Variants in FRK observed in about 807,000 individuals in gnomAD.
The protein encoded by FRK is fyn related Src family tyrosine kinase.
In FRK, 51 loss-of-function variants were observed where a neutral mutation model predicts 56.4. That is an observed-to-expected ratio of 0.90 (90% CI 0.72 to 1.14). FRK has a LOEUF of 1.14. FRK is among the 50% of genes most tolerant of loss of function. The pLI is 0.00. For missense variants in FRK, 570 were observed against 601.4 expected (o/e 0.95, Z 0.55); for synonymous variants, 245 against 217.9 (o/e 1.12, Z -1.10).
intron 1 of FRK, among the ~76,000 whole-genome samples, chr6:116,058,868 G>C (rs1470288928): frequency 7.3e-6 from 1 of 136,888 alleles, no homozygotes; most frequent in Non-Finnish European, 1.5e-5. Flanking sequence ...CCGAGATCGC[G>C]CCACTGCACT....
intron 1 of FRK, among the ~76,000 whole-genome samples, chr6:116,053,054 A>G (rs1034659337): frequency 1.3e-5 from 2 of 152,168 alleles, no homozygotes; most frequent in Non-Finnish European, 1.5e-5. Flanking sequence ...CAGAGGGGTC[A>G]AGTAATTTGC....
intron 1 of FRK, among the ~76,000 whole-genome samples, chr6:116,027,350 A>G (rs986753320): frequency 6.6e-6 from 1 of 152,194 alleles, no homozygotes; most frequent in Non-Finnish European, 1.5e-5. Context: ...AATAGTGAAT[A>G]TAAGTGGCCT....
intron 2 of FRK, among the ~76,000 whole-genome samples, chr6:115,996,143 A>AT (rs1212924119): frequency 9.2e-5 from 14 of 152,044 alleles, no homozygotes; most frequent in Admixed American, 7.2e-4. Context: ...AAGGAGCAAT[A>AT]TTTTTTTTGT....
At chr6:116,048,780 T>A (rs1028388510) in intron 1 of FRK, among the ~76,000 whole-genome samples, 3 of 152,214 alleles carry the variant, frequency 2.0e-5, no homozygotes, top group African/African-American at 4.8e-5. Flanking sequence ...AATAAGAATA[T>A]ATGAATTTAC....
chr6:116,067,687 A>G, the FRK span, among the ~76,000 whole-genome samples: 1 of 152,224 alleles, frequency 6.6e-6, no homozygotes, highest in South Asian at 2.1e-4. Flanking sequence ...CTAGAAGGAA[A>G]GTTGGGGCCA....
rs1435558389 is a variant in FRK, at chr6:115,953,182, T to C, written c.958+3270A>G. On this transcript the variant is annotated intron_variant, in intron 5 of 7. Transcript: ENST00000606080. ...AGTGGTACATCCATTTTAAGGCCAT[T>C]TTTTTTTTTTTTTTTTTTTTTTTTT... 2.1e-3 allele frequency among the ~76,000 whole-genome samples: 186 copies of C among 88,728 alleles called. 37 individuals carry two copies. Among genetic ancestry groups the C allele is most frequent in the African/African-American group, 6.9e-3 (167 of 24,168 alleles). The allele number at this position is 88,728 out of a possible 152,430, so 58.2% of individuals were successfully genotyped here.
At position 116,047,005 on chromosome 6, in the gene FRK, C is replaced by T. The variant is rs188440911; in HGVS notation, c.344+12963G>A. On this transcript the variant is annotated intron_variant, in intron 1 of 7. Coordinates refer to ENST00000606080, the MANE Select transcript of FRK (RefSeq NM_002031.3). ...TATCTGTATTGTGAAGTTTCCTTCA[C>T]AAACTTCTTCATGAGTTACATATAT... Among the ~76,000 whole-genome samples the T allele has an allele frequency of 2.7e-3, 409 of 151,206 alleles. 2 individuals carry two copies. The highest frequency in any genetic ancestry group is 8.9e-3 in the African/African-American group (369 of 41,276).
intron 4 of FRK, among the ~76,000 whole-genome samples, chr6:115,959,091 G>C (rs529560608): frequency 3.6e-4 from 55 of 152,292 alleles, no homozygotes; most frequent in Middle Eastern, 3.4e-3. Context: ...AACTCAGCTA[G>C]TAATGTAACA....
At chr6:116,061,263 G>T (rs1443603632), upstream of FRK, among the ~76,000 whole-genome samples, 2 of 152,156 alleles carry the variant, frequency 1.3e-5, no homozygotes, top group Non-Finnish European at 2.9e-5. Flanking sequence ...TCATTACCAA[G>T]AATAGATTTT....
chr6:116,014,666 A>T (rs906020147), intron 1 of FRK, among the ~76,000 whole-genome samples: 1 of 152,176 alleles, frequency 6.6e-6, no homozygotes, highest in Non-Finnish European at 1.5e-5. Context: ...AAAACTACAA[A>T]GGAGAGTTTT....
chr6:116,081,118 C>G, the FRK span, among the ~76,000 whole-genome samples: 3 of 152,290 alleles, frequency 2.0e-5, no homozygotes, highest in South Asian at 6.2e-4. Flanking sequence ...TTCACTATCT[C>G]GAGAACAGCA....
Position 116,060,027 on chromosome 6 carries a change from T to C in FRK, c.285A>G (p.Gln95=). ...AGTTAGAAGGAATATAGCCTTGTAG[T>C]TGCTGACTGGAGCCATCTCGTCTTT... is the stretch of plus-strand genomic sequence containing the variant. ...LEKRRDGSSQ[Q]LQGYIPSNYV... The change falls in exon 1 of 8, where the codon CAA becomes CAG. Residue 95 remains glutamine (Q), a synonymous_variant. Transcript: ENST00000606080. 6.2e-7 allele frequency: 1 copy of C among 1,614,214 alleles called. No homozygotes were observed. Among genetic ancestry groups the C allele is most frequent in the Non-Finnish European group, 8.5e-7 (1 of 1,180,036 alleles).
intron 2 of FRK, among the ~76,000 whole-genome samples, chr6:115,996,314 T>G (rs1428702506): frequency 6.6e-6 from 1 of 152,120 alleles, no homozygotes; most frequent in Non-Finnish European, 1.5e-5. Context: ...ATGATGAAAC[T>G]TAGAACATTT....
In FRK at chr6:115,936,415, T is replaced by C. The variant is rs1772046149; in HGVS notation, c.*5999A>G. On this transcript the variant is annotated 3_prime_UTR_variant, in exon 8 of 8. Coordinates refer to ENST00000606080, the MANE Select transcript of FRK (RefSeq NM_002031.3). ...AAATTCAAAAAAACAGAATGCCTCTTCTCCTCCAAAGGATCACAACTCCTT... is the reference window on the plus strand; with the variant it reads ...AAATTCAAAAAAACAGAATGCCTCTCCTCCTCCAAAGGATCACAACTCCTT... The C allele has an allele frequency of 6.6e-6, 1 of 152,148 alleles. No individual in the cohort carries two copies. The highest frequency in any genetic ancestry group is 2.4e-5 in the African/African-American group (1 of 41,434). The allele number at this position is 152,148 out of a possible 1,614,324, so 9.4% of individuals were successfully genotyped here.
At position 115,932,099 on chromosome 6, in the gene FRK, A is replaced by G. The variant is rs1771967181; in HGVS notation, c.*10315T>C. 2 of 152,218 alleles carry G rather than the reference A, an allele frequency of 1.3e-5. No individual in the cohort carries two copies. The highest frequency in any genetic ancestry group is 4.1e-4 in the South Asian group (2 of 4,832). 9.4% of individuals were successfully genotyped at this position (152,218 alleles called of 1,614,324 possible). ...TTTTCTTGTAATTTAATCTTATAAC[A>G]TCTCTGTAGATAGTGTCATCTGAAT... On this transcript the variant is annotated 3_prime_UTR_variant, in exon 8 of 8. Transcript: ENST00000606080.
At chr6:115,985,404 T>G (rs528632629) in intron 2 of FRK, among the ~76,000 whole-genome samples, 5 of 152,262 alleles carry the variant, frequency 3.3e-5, no homozygotes, top group African/African-American at 7.2e-5. Context: ...GTTTAAATAT[T>G]TAAATGCTAC....
At chr6:116,008,299 T>A (rs1775328967) in intron 1 of FRK, among the ~76,000 whole-genome samples, 1 of 152,228 alleles carries the variant, frequency 6.6e-6, no homozygotes, top group African/African-American at 2.4e-5. Flanking sequence ...AATTTTGGAC[T>A]TTTGTATAAT....
At chr6:115,995,794 T>C (rs1774818382) in intron 2 of FRK, among the ~76,000 whole-genome samples, 1 of 152,182 alleles carries the variant, frequency 6.6e-6, no homozygotes, top group East Asian at 1.9e-4. Context: ...AATGTTAATT[T>C]AACTTTATAG....
chr6:116,016,750 T>TTTAA (rs375851181), intron 1 of FRK, among the ~76,000 whole-genome samples: 1 of 152,180 alleles, frequency 6.6e-6, no homozygotes, highest in Non-Finnish European at 1.5e-5. Context: ...TTTCTTTCTT[T>TTTAA]TTAATAATTT....
Sources: gnomAD v4.1 joint callset for allele counts (sites outside exome capture counted in the v4.1 genomes callset) on GRCh38, gnomAD v4.1.1 for gene constraint, MANE v1.5 for transcripts, NCBI Gene and HGNC (gene_info 2026-07-23, HGNC 2026-07-21) for gene names.